The following CWC27 variants were observed in gnomAD, a reference collection of about 807,000 sequenced individuals.
CWC27 encodes the protein spliceosome-associated protein CWC27 homolog.
Under a neutral mutation model 63.6 loss-of-function variants are expected in CWC27, and 47 were observed. That is an observed-to-expected ratio of 0.74 (90% confidence interval 0.58 to 0.94). The LOEUF (loss-of-function observed/expected upper bound fraction) is 0.94, where lower values mean the gene tolerates loss of function less well. Among genes scored for constraint, CWC27 ranks in the 40% least tolerant of loss-of-function variants. The pLI is 0.00. For synonymous variants in CWC27, 175 were observed against 179.8 expected (o/e 0.97, Z 0.22); for missense variants, 495 against 554.3 (o/e 0.89, Z 1.07).
At chr5:64,841,892 C>T (rs903835142) in intron 10 of CWC27, among the ~76,000 whole-genome samples, 3 of 152,072 alleles carry the variant, frequency 2.0e-5, no homozygotes, top group Non-Finnish European at 4.4e-5. Flanking sequence ...GTTGGTCAGG[C>T]TGGTCTCGAA....
intron 7 of CWC27, among the ~76,000 whole-genome samples, chr5:64,795,226 G>A (rs187194561): frequency 1.4e-3 from 219 of 152,288 alleles, no homozygotes; most frequent in Middle Eastern, 0.014. Context: ...GGTCAGAAAT[G>A]TTAAACAGTG....
At chr5:64,840,699 T>G (rs1445657078) in intron 10 of CWC27, among the ~76,000 whole-genome samples, 1 of 152,044 alleles carries the variant, frequency 6.6e-6, no homozygotes, top group African/African-American at 2.4e-5. Flanking sequence ...TGAAGAATTT[T>G]CAGCATGGAA....
At chr5:64,807,750 T>G in intron 10 of CWC27, 1 of 1,535,988 alleles carries the variant, frequency 6.5e-7, no homozygotes, top group Non-Finnish European at 8.7e-7. Flanking sequence ...CAATGTTTAC[T>G]TCACACTTCA....
intron 11 of CWC27, among the ~76,000 whole-genome samples, chr5:64,949,274 A>G (rs1312923775): frequency 6.6e-6 from 1 of 152,022 alleles, no homozygotes; most frequent in East Asian, 1.9e-4. Context: ...TGTATTTTTC[A>G]AAGTGAAATG....
intron 4 of CWC27, 152 bp downstream of exon 4, chr5:64,784,131 A>G: frequency 1.5e-6 from 1 of 660,024 alleles, no homozygotes; most frequent in South Asian, 3.2e-5. Context: ...ATGATGGAAT[A>G]TATTCCTAAT....
Position 64,782,116 on chromosome 5 carries a change from A to T in CWC27, c.252+83A>T, listed in dbSNP as rs545365513. 1.1e-4 allele frequency: 80 copies of T among 697,608 alleles called. No individual in the cohort carries two copies. The Middle Eastern group carries it at 1.3e-3, about 11-fold the overall frequency. 43.2% of individuals were successfully genotyped at this position (697,608 alleles called of 1,614,324 possible). On this transcript the variant is annotated intron_variant, in intron 3 of 13. Coordinates refer to ENST00000381070, the MANE Select transcript of CWC27 (RefSeq NM_005869.4). ...AGTTTGGATTGCTTAATCGAAAATG[A>T]TTGTGTTCCACAAGAGGAAAAAACG...
chr5:64,960,917 A>T (rs1748896377), intron 11 of CWC27, among the ~76,000 whole-genome samples: 1 of 126,720 alleles, frequency 7.9e-6, no homozygotes. Context: ...CCAGCTCAAT[A>T]CACTGTTTTT....
intron 11 of CWC27, among the ~76,000 whole-genome samples, chr5:64,905,320 A>T (rs1476860489): frequency 1.3e-5 from 2 of 151,304 alleles, no homozygotes; most frequent in Non-Finnish European, 2.9e-5. Flanking sequence ...GGAACATGTT[A>T]CTTACCATTA....
chr5:64,894,540 A>T, intron 11 of CWC27, among the ~76,000 whole-genome samples: 1 of 152,200 alleles, frequency 6.6e-6, no homozygotes, highest in Non-Finnish European at 1.5e-5. Flanking sequence ...TACACATGTG[A>T]TTTGGGAATG....
intron 10 of CWC27, 200 bp downstream of exon 10, chr5:64,804,586 T>C: frequency 2.1e-6 from 1 of 487,212 alleles, no homozygotes; most frequent in Non-Finnish European, 3.6e-6. Flanking sequence ...AATGATCCTA[T>C]GAGTTCAATT....
intron 12 of CWC27, chr5:64,972,620 C>T (rs974667795): frequency 4.5e-6 from 2 of 442,268 alleles, no homozygotes; most frequent in Non-Finnish European, 9.0e-6. Flanking sequence ...AAGCCCAAAC[C>T]TGTCTGGATA....
intron 8 of CWC27, among the ~76,000 whole-genome samples, chr5:64,800,820 C>T (rs1333601110): frequency 6.6e-6 from 1 of 152,118 alleles, no homozygotes; most frequent in Non-Finnish European, 1.5e-5. Context: ...GAAGGGAAAA[C>T]GTCTTGGTGT....
chr5:64,921,543 T>C (rs970309154), intron 11 of CWC27, among the ~76,000 whole-genome samples: 2 of 152,176 alleles, frequency 1.3e-5, no homozygotes, highest in Non-Finnish European at 2.9e-5. Context: ...ACTTTGAGCT[T>C]ATGGGTAATC....
intron 13 of CWC27, among the ~76,000 whole-genome samples, chr5:64,982,017 G>A (rs1749338197): frequency 6.6e-6 from 1 of 152,160 alleles, no homozygotes; most frequent in Non-Finnish European, 1.5e-5. Context: ...GCTAGAGATT[G>A]AAGTTCTGAG....
chr5:64,862,243 A>G (rs1262769969), intron 10 of CWC27, among the ~76,000 whole-genome samples: 2 of 152,192 alleles, frequency 1.3e-5, no homozygotes, highest in Non-Finnish European at 2.9e-5. Context: ...CTGCCTCTGC[A>G]GTTGCTGACA....
intron 7 of CWC27, among the ~76,000 whole-genome samples, chr5:64,791,687 C>G (rs561774094): frequency 5.1e-4 from 77 of 152,172 alleles, no homozygotes; most frequent in African/African-American, 1.6e-3. Context: ...GTCTATATCT[C>G]TAGGCTGGTT....
intron 11 of CWC27, among the ~76,000 whole-genome samples, chr5:64,915,363 T>C (rs1052224482): frequency 4.6e-5 from 7 of 152,056 alleles, no homozygotes; most frequent in Non-Finnish European, 8.8e-5. Flanking sequence ...TAATGGTTAC[T>C]TTTATAGGGA....
At chr5:64,994,756 A>G (rs1749600796) in intron 13 of CWC27, among the ~76,000 whole-genome samples, 1 of 152,182 alleles carries the variant, frequency 6.6e-6, no homozygotes, top group Admixed American at 6.5e-5. Flanking sequence ...TTATACCTGT[A>G]CCAGCAATGT....
chr5:64,947,630 T>G (rs1296244005), intron 11 of CWC27, among the ~76,000 whole-genome samples: 2 of 152,110 alleles, frequency 1.3e-5, no homozygotes, highest in African/African-American at 4.8e-5. Flanking sequence ...TGGATAAGCT[T>G]CACTTTTACA....
Sources: allele counts gnomAD v4.1 joint callset (sites outside exome capture counted in the v4.1 genomes callset), GRCh38; gene constraint gnomAD v4.1.1; transcripts MANE v1.5; gene names NCBI Gene and HGNC (gene_info 2026-07-23, HGNC 2026-07-21).